The following OPCML variants were observed in gnomAD, a reference collection of about 807,000 sequenced individuals.
The protein encoded by OPCML is opioid binding protein/cell adhesion molecule like, also known as opioid-binding protein/cell adhesion molecule.
OPCML carries 13 observed loss-of-function variants against 37.8 expected under a neutral mutation model. That is an observed-to-expected ratio of 0.34 (90% confidence interval 0.22 to 0.55). OPCML has a LOEUF of 0.55. Among genes scored for constraint, OPCML ranks in the 20% least tolerant of loss-of-function variants. The pLI is 0.91. For missense variants in OPCML, 341 were observed against 435.6 expected, an observed-to-expected ratio of 0.78 and a Z score of 1.93; for synonymous variants, 176 against 168.8, an observed-to-expected ratio of 1.04 and a Z score of -0.33.
At chr11:132,822,550 A>G (rs1455523955) in intron 2 of OPCML, among the ~76,000 whole-genome samples, 2 of 152,054 alleles carry the variant, frequency 1.3e-5, no homozygotes, top group African/African-American at 4.8e-5. Flanking sequence ...GCACTGTCAC[A>G]TGCAAAAGCA....
intron 2 of OPCML, among the ~76,000 whole-genome samples, chr11:132,840,070 G>T (rs1203456368): frequency 6.6e-6 from 1 of 152,066 alleles, no homozygotes; most frequent in Non-Finnish European, 1.5e-5. Context: ...CAAAAATAAA[G>T]AAATGAGGAC....
chr11:132,900,932 C>T (rs944314537), intron 2 of OPCML, among the ~76,000 whole-genome samples: 15 of 152,178 alleles, frequency 9.9e-5, no homozygotes, highest in Non-Finnish European at 1.6e-4. Flanking sequence ...GTGACTCATG[C>T]CTGTAATCTC....
At chr11:133,180,062 G>A (rs1180503170) in intron 1 of OPCML, among the ~76,000 whole-genome samples, 1 of 152,150 alleles carries the variant, frequency 6.6e-6, no homozygotes, top group Non-Finnish European at 1.5e-5. Flanking sequence ...AAGACAGCAA[G>A]AATCAAAAAA....
intron 4 of OPCML, among the ~76,000 whole-genome samples, chr11:132,460,584 T>C (rs2136907271): frequency 6.6e-6 from 1 of 152,304 alleles, no homozygotes; most frequent in South Asian, 2.1e-4. Context: ...CAAAAATTGA[T>C]GCTTGGTATC....
At chr11:132,687,031 C>CA (rs5795795) in intron 2 of OPCML, among the ~76,000 whole-genome samples, 152,187 of 152,190 alleles carry the variant, frequency 1, 76,092 homozygotes, top group Middle Eastern at 1. Flanking sequence ...TGAAGTCACA[C>CA]AATATTGTAG....
At chr11:132,528,105 C>A (rs1344515841) in intron 4 of OPCML, among the ~76,000 whole-genome samples, 1 of 151,716 alleles carries the variant, frequency 6.6e-6, no homozygotes, top group Non-Finnish European at 1.5e-5. Context: ...TTATTTAAAT[C>A]ACACAGTTTT....
chr11:132,897,440 G>T (rs1268449730), intron 2 of OPCML, among the ~76,000 whole-genome samples: 4 of 152,146 alleles, frequency 2.6e-5, no homozygotes, highest in African/African-American at 9.7e-5. Context: ...ACCAGCACAG[G>T]CCCTGGAGGT....
At chr11:133,218,570 A>G (rs1232316210) in intron 1 of OPCML, among the ~76,000 whole-genome samples, 1 of 152,152 alleles carries the variant, frequency 6.6e-6, no homozygotes, top group South Asian at 2.1e-4. Flanking sequence ...GTAAGCTTGG[A>G]CTGGTTGGTA....
intron 4 of OPCML, among the ~76,000 whole-genome samples, chr11:132,465,639 T>C (rs569040326): frequency 1.3e-5 from 2 of 152,290 alleles, no homozygotes; most frequent in South Asian, 2.1e-4. Flanking sequence ...CAGACTGATA[T>C]GTTTCTTTTA....
At chr11:133,278,835 T>C (rs1242618850) in intron 1 of OPCML, among the ~76,000 whole-genome samples, 1 of 152,190 alleles carries the variant, frequency 6.6e-6, no homozygotes, top group Non-Finnish European at 1.5e-5. Flanking sequence ...TCAACTCTCA[T>C]AGAAATTCCA....
chr11:132,861,565 G>A lies in OPCML; in HGVS notation c.146+81361C>T, dbSNP rs991380317. 8.5e-5 allele frequency among the ~76,000 whole-genome samples: 13 copies of A among 152,182 alleles called. No homozygotes were observed. In the East Asian group the frequency reaches 1.7e-3, roughly 20 times the overall value. On this transcript the variant is annotated intron_variant, in intron 2 of 7. Coordinates refer to ENST00000524381, the MANE Select transcript of OPCML (RefSeq NM_001012393.5). The stretch of plus-strand genomic sequence containing the variant: ...TAAAACTGCTTTTTTGGCTGGGCGC[G>A]GTGGCTCACGCCTGTAATCCCAGCA...
At chr11:133,033,222 G>A (rs1020115799) in intron 1 of OPCML, among the ~76,000 whole-genome samples, 16 of 152,124 alleles carry the variant, frequency 1.1e-4, no homozygotes, top group African/African-American at 3.9e-4. Flanking sequence ...TTCACACAAG[G>A]CATTCTATTC....
At chr11:132,618,196 A>T (rs1350770103) in intron 3 of OPCML, among the ~76,000 whole-genome samples, 2 of 152,236 alleles carry the variant, frequency 1.3e-5, no homozygotes, top group Admixed American at 6.5e-5. Flanking sequence ...CACAACGGTA[A>T]GGAGTGAGTG....
At chr11:133,021,818 C>T (rs531546411) in intron 1 of OPCML, among the ~76,000 whole-genome samples, 11 of 152,368 alleles carry the variant, frequency 7.2e-5, no homozygotes, top group African/African-American at 2.6e-4. Context: ...CACCCTCAAT[C>T]GTTGGCATCA....
At position 132,819,163 on chromosome 11, in the gene OPCML, C is replaced by T. The variant is rs368342508; in HGVS notation, c.146+123763G>A. ...ATACCAGAAGGAATAGGAGGGATCT[C>T]TAGAGAAAAATAATATCTGTAGCTT... is the stretch of plus-strand genomic sequence containing the variant. On this transcript the variant is annotated intron_variant, in intron 2 of 7. Coordinates refer to ENST00000524381, the MANE Select transcript of OPCML (RefSeq NM_001012393.5). Among the ~76,000 whole-genome samples, 11 of 151,404 alleles carry T rather than the reference C, an allele frequency of 7.3e-5. No homozygotes were observed. The East Asian group carries it at 1.2e-3, about 16-fold the overall frequency.
chr11:132,943,408 A>G lies in OPCML; in HGVS notation c.62-398T>C, dbSNP rs933724817. On this transcript the variant is annotated intron_variant, in intron 1 of 7. Transcript: ENST00000524381. This position sits in a 1 kb window ranked among gnomAD's most constrained non-coding sequence, Gnocchi z 4.3. ...GAAGCAAGGTGCGGGGATGAAGGTCACAGATTGCGCTTTCTCTGCCTCTCT... is the reference window on the plus strand; with the variant it reads ...GAAGCAAGGTGCGGGGATGAAGGTCGCAGATTGCGCTTTCTCTGCCTCTCT... 2.4e-6 allele frequency: 1 copy of G among 420,900 alleles called. No homozygotes were observed. The highest frequency in any genetic ancestry group is 2.0e-5 in the African/African-American group (1 of 50,830). 26.1% of individuals were successfully genotyped at this position (420,900 alleles called of 1,614,324 possible).
chr11:132,677,220 CTG>C (rs1167875909), intron 2 of OPCML, among the ~76,000 whole-genome samples: 1 of 151,914 alleles, frequency 6.6e-6, no homozygotes, highest in Non-Finnish European at 1.5e-5. Flanking sequence ...ATAAGAAAAA[CTG>C]TAAAACTGAT....
At chr11:132,903,861 G>A (rs1325845177) in intron 2 of OPCML, among the ~76,000 whole-genome samples, 4 of 152,166 alleles carry the variant, frequency 2.6e-5, no homozygotes, top group African/African-American at 4.8e-5. Context: ...GCATGTGCAC[G>A]TGTGTGTAGT....
At chr11:132,697,951 A>C (rs187187360) in intron 2 of OPCML, among the ~76,000 whole-genome samples, 65 of 149,286 alleles carry the variant, frequency 4.4e-4, no homozygotes, top group African/African-American at 1.5e-3. Flanking sequence ...ATTTTATTTT[A>C]TATTAATTTA....
Sources: allele counts gnomAD v4.1 joint callset (sites outside exome capture counted in the v4.1 genomes callset), GRCh38; gene constraint gnomAD v4.1.1; non-coding constraint Gnocchi (gnomAD v3.1); transcripts MANE v1.5; gene names NCBI Gene and HGNC (gene_info 2026-07-23, HGNC 2026-07-21).